The following PIEZO2 variants were observed in gnomAD, a reference collection of about 807,000 sequenced individuals.
The protein encoded by PIEZO2 is piezo type mechanosensitive ion channel component 2.
Under a neutral mutation model 337.3 loss-of-function variants are expected in PIEZO2, and 172 were observed. The ratio of observed to expected loss-of-function variants is 0.51; its 90% CI spans 0.45 to 0.58. The LOEUF (loss-of-function observed/expected upper bound fraction) is 0.58, where lower values mean the gene tolerates loss of function less well. PIEZO2 is among the 20% of genes least tolerant of loss of function. PIEZO2 has a pLI of 0.00. For synonymous variants in PIEZO2, 1,251 were observed against 1,228.5 expected (o/e 1.02, Z -0.38); for missense variants, 3,028 against 3,391.3 (o/e 0.89, Z 2.66).
chr18:10,737,286 A>AAAACAAAAAAC (rs1555634849), intron 33 of PIEZO2, among the ~76,000 whole-genome samples: 2 of 133,742 alleles, frequency 1.5e-5, no homozygotes, highest in African/African-American at 5.8e-5. Context: ...AAGACATTTG[A>AAAACAAAAAAC]AAAAAAAAAA....
At chr18:10,995,162 G>A (rs1030280631) in intron 2 of PIEZO2, among the ~76,000 whole-genome samples, 2 of 151,174 alleles carry the variant, frequency 1.3e-5, no homozygotes, top group African/African-American at 4.9e-5. Flanking sequence ...TTTGACTATG[G>A]CCATTCTTTC....
chr18:11,058,996 C>G (rs894483205), intron 2 of PIEZO2, among the ~76,000 whole-genome samples: 5 of 152,154 alleles, frequency 3.3e-5, no homozygotes, highest in African/African-American at 1.2e-4. Flanking sequence ...ATGTAAAGGG[C>G]AGCCAGAGAG....
rs1397080773 is a variant in PIEZO2 at position 10,979,527 on chromosome 18, A to G, written c.286+8T>C. 23 of 1,516,956 alleles carry G rather than the reference A, an allele frequency of 1.5e-5. No homozygotes were observed. Among genetic ancestry groups the G allele is most frequent in the Non-Finnish European group, 1.9e-5 (22 of 1,134,476 alleles). 94.0% of individuals were successfully genotyped at this position (1,516,956 alleles called of 1,614,324 possible). On this transcript the variant is annotated splice_region_variant and intron_variant, in intron 3 of 55. Coordinates refer to ENST00000674853, the MANE Select transcript of PIEZO2 (RefSeq NM_001378183.1). The surrounding 1 kb of genome is among the most constrained non-coding windows in gnomAD (Gnocchi z 4.0). ...GAAAACAATAAAAGAAAACACCATA[A>G]TACTCACAGTTGTAGCCAGGTGCAA... is the stretch of plus-strand genomic sequence containing the variant.
intron 36 of PIEZO2, among the ~76,000 whole-genome samples, chr18:10,728,963 A>C (rs1039500341): frequency 6.7e-5 from 10 of 149,994 alleles, no homozygotes; most frequent in East Asian, 3.9e-4. Flanking sequence ...TCAAAAAAAA[A>C]AAAAAAAAAA....
chr18:10,979,235 G>T lies in PIEZO2; in HGVS notation c.286+300C>A, dbSNP rs1325498067. On this transcript the variant is annotated intron_variant, in intron 3 of 55. Coordinates refer to ENST00000674853, the MANE Select transcript of PIEZO2 (RefSeq NM_001378183.1). The surrounding 1 kb of genome is among the most constrained non-coding windows in gnomAD (Gnocchi z 4.0). The stretch of plus-strand genomic sequence containing the variant: ...TACTCGCTGTAATGAAAGCTCCAAG[G>T]GCTGTCTGTAACTCTTGAATTTTAG... Among the ~76,000 whole-genome samples, 1 of 151,230 alleles carries T rather than the reference G, an allele frequency of 6.6e-6. No individual in the cohort carries two copies. The highest frequency in any genetic ancestry group is 1.5e-5 in the Non-Finnish European group (1 of 67,880).
intron 13 of PIEZO2, 151 bp from the exon 14 acceptor site, chr18:10,791,475 A>G: frequency 1.2e-6 from 1 of 822,594 alleles, no homozygotes; most frequent in Non-Finnish European, 1.7e-6. Flanking sequence ...GCTTGACTTC[A>G]GCTGAGATTC....
In PIEZO2 at chr18:10,726,459, A is replaced by C. The variant is rs1481583084; in HGVS notation, c.5029+4948T>G. 1.8e-5 allele frequency: 27 copies of C among 1,528,980 alleles called. No individual in the cohort carries two copies. The highest frequency in any genetic ancestry group is 2.3e-5 in the Non-Finnish European group (26 of 1,144,490). The allele number at this position is 1,528,980 out of a possible 1,614,324, so 94.7% of individuals were successfully genotyped here. On this transcript the variant is annotated intron_variant, in intron 36 of 55. Coordinates refer to ENST00000674853, the MANE Select transcript of PIEZO2 (RefSeq NM_001378183.1). The surrounding 1 kb of genome is among the most constrained non-coding windows in gnomAD (Gnocchi z 5.9). The stretch of plus-strand genomic sequence containing the variant: ...GTACGGGCTACGGCCGGCGAACCCC[A>C]CGAGGAGGGCCTGGCCACCCTGCAC...
chr18:10,987,512 A>ATTTGCC (rs1568269351), intron 2 of PIEZO2, among the ~76,000 whole-genome samples: 5 of 152,150 alleles, frequency 3.3e-5, no homozygotes, highest in African/African-American at 1.2e-4. Context: ...ACCATGTACA[A>ATTTGCC]AATAATAAAA....
chr18:10,871,116 A>C, intron 5 of PIEZO2, 137 bp downstream of exon 5: 1 of 907,848 alleles, frequency 1.1e-6, no homozygotes, highest in South Asian at 1.9e-5. Context: ...ATGCAATTTG[A>C]CAGTAAACGT....
In PIEZO2 at chr18:10,749,998, C is replaced by A. The variant is rs953502830; in HGVS notation, c.4264+93G>T. 11 of 927,890 alleles carry A rather than the reference C, an allele frequency of 1.2e-5. No individual in the cohort carries two copies. In the African/African-American group the frequency reaches 1.6e-4, roughly 14 times the overall value. The allele number at this position is 927,890 out of a possible 1,614,324, so 57.5% of individuals were successfully genotyped here. A position where few individuals can be genotyped will look rare whatever the true frequency, so the allele number is the denominator to read the frequency against. On this transcript the variant is annotated intron_variant, in intron 29 of 55. Transcript: ENST00000674853. ...GAGAAAACTGACCCCACTTTTATATCTTTATGTGCTTTGGCCCACTTTTAA... is the reference window on the plus strand; with the variant it reads ...GAGAAAACTGACCCCACTTTTATATATTTATGTGCTTTGGCCCACTTTTAA...
chr18:10,920,909 C>T (rs753521532), intron 3 of PIEZO2, among the ~76,000 whole-genome samples: 63 of 152,066 alleles, frequency 4.1e-4, no homozygotes, highest in Admixed American at 2.3e-3. Context: ...AAAAATTAGC[C>T]GGGCATGGTG....
In PIEZO2 at chr18:10,993,612, C is replaced by T. The variant is rs1292740210; in HGVS notation, c.161-13952G>A. Among the ~76,000 whole-genome samples, 5 of 152,042 alleles carry T rather than the reference C, an allele frequency of 3.3e-5. No individual in the cohort carries two copies. Among genetic ancestry groups the T allele is most frequent in the East Asian group, 1.9e-4 (1 of 5,174 alleles). On this transcript the variant is annotated intron_variant, in intron 2 of 55. Coordinates refer to ENST00000674853, the MANE Select transcript of PIEZO2 (RefSeq NM_001378183.1). This position sits in a 1 kb window ranked among gnomAD's most constrained non-coding sequence, Gnocchi z 5.0. ...CACGATCTCGCCTCACTGCAACCTC[C>T]GCCTCCCGGGTTAACGCCATTCTCC...
At chr18:11,140,232 G>A (rs941453985) in intron 1 of PIEZO2, among the ~76,000 whole-genome samples, 2 of 152,156 alleles carry the variant, frequency 1.3e-5, no homozygotes, top group Non-Finnish European at 2.9e-5. Flanking sequence ...AGGTGGATGA[G>A]CAGATCTTTT....
intron 5 of PIEZO2, 26 bp from the exon 6 acceptor site, chr18:10,857,237 C>G (rs2041731662): frequency 6.5e-7 from 1 of 1,530,898 alleles, no homozygotes; most frequent in African/African-American, 1.4e-5. Context: ...ACAGGAAACA[C>G]TCAAGTCCAG....
At chr18:10,780,552 A>C in intron 17 of PIEZO2, among the ~76,000 whole-genome samples, 186 bp from the exon 18 acceptor site, 1 of 152,184 alleles carries the variant, frequency 6.6e-6, no homozygotes, top group East Asian at 1.9e-4. Context: ...TAGCAACATT[A>C]AATCAGACAA....
At chr18:10,881,128 T>G (rs1260870467) in intron 4 of PIEZO2, among the ~76,000 whole-genome samples, 1 of 151,708 alleles carries the variant, frequency 6.6e-6, no homozygotes, top group Non-Finnish European at 1.5e-5. Flanking sequence ...TTCTGTGAAA[T>G]TAGGTACCTT....
chr18:10,858,390 TTAAGGCAAAAGGAG>T (rs1181729026), intron 5 of PIEZO2, among the ~76,000 whole-genome samples: 1 of 150,416 alleles, frequency 6.6e-6, no homozygotes, highest in African/African-American at 2.4e-5. Flanking sequence ...AGCCATCACC[TTAAGGCAAAAGGAG>T]TCTGTCTGAG....
intron 3 of PIEZO2, among the ~76,000 whole-genome samples, chr18:10,963,798 G>A (rs1783276749): frequency 6.6e-6 from 1 of 152,116 alleles, no homozygotes; most frequent in African/African-American, 2.4e-5. Flanking sequence ...TGCTAATTTA[G>A]GCTGTTATCT....
rs763700671 is a variant in PIEZO2, at chr18:11,001,772, G to A, written c.161-22112C>T. Among the ~76,000 whole-genome samples, 1 of 152,078 alleles carries A rather than the reference G, an allele frequency of 6.6e-6. No individual in the cohort carries two copies. Among genetic ancestry groups the A allele is most frequent in the Non-Finnish European group, 1.5e-5 (1 of 68,016 alleles). On this transcript the variant is annotated intron_variant, in intron 2 of 55. Transcript: ENST00000674853. The surrounding 1 kb of genome is among the most constrained non-coding windows in gnomAD (Gnocchi z 5.3). ...TCACACCTGTAACCCCAGCCACTCG[G>A]GAGGCTGAGGCATGAGAATAGCTTG...
Sources: gnomAD v4.1 joint callset for allele counts (sites outside exome capture counted in the v4.1 genomes callset) on GRCh38, gnomAD v4.1.1 for gene constraint, Gnocchi (gnomAD v3.1) non-coding constraint, MANE v1.5 for transcripts, NCBI Gene and HGNC (gene_info 2026-07-23, HGNC 2026-07-21) for gene names.